The following SMG7 variants were observed in gnomAD, a reference collection of about 807,000 sequenced individuals.
SMG7 encodes the protein nonsense-mediated mRNA decay factor SMG7.
In SMG7, 34 loss-of-function variants were observed where a neutral mutation model predicts 148.2. That is an observed-to-expected ratio of 0.23 (90% CI 0.17 to 0.31). SMG7 has a LOEUF of 0.31. SMG7 is among the 10% of genes least tolerant of loss of function. SMG7 has a pLI of 1.00. For missense variants in SMG7, 1,114 were observed against 1,408.4 expected, an observed-to-expected ratio of 0.79 and a Z score of 3.35; for synonymous variants, 492 against 515.1, an observed-to-expected ratio of 0.96 and a Z score of 0.61.
At position 183,527,274 on chromosome 1, in the gene SMG7, A is replaced by C. The variant is rs866615165; in HGVS notation, c.484+507A>C. ...TTATTTATTCTTGTTCATTCCTTTAAGGTGACCTAGAAAGGTTGTAAAACA... is the reference window on the plus strand; with the variant it reads ...TTATTTATTCTTGTTCATTCCTTTACGGTGACCTAGAAAGGTTGTAAAACA... On this transcript the variant is annotated intron_variant, in intron 5 of 22. Transcript: ENST00000688051. This position sits in a 1 kb window ranked among gnomAD's most constrained non-coding sequence, Gnocchi z 4.0. 6.6e-6 allele frequency among the ~76,000 whole-genome samples: 1 copy of C among 152,180 alleles called. No homozygotes were observed. The highest frequency in any genetic ancestry group is 2.4e-5 in the African/African-American group (1 of 41,432).
At chr1:183,481,090 T>C (rs2102069724) in intron 1 of SMG7, among the ~76,000 whole-genome samples, 1 of 152,312 alleles carries the variant, frequency 6.6e-6, no homozygotes, top group Middle Eastern at 3.4e-3. Flanking sequence ...AAAGTATTTG[T>C]ATATGGCTTT....
Position 183,553,066 on chromosome 1 carries a change from C to G in SMG7, c.*1135C>G. On this transcript the variant is annotated 3_prime_UTR_variant, in exon 23 of 23. Coordinates refer to ENST00000688051, the MANE Select transcript of SMG7 (RefSeq NM_001375584.1). ...GTATCTGCGTAGCCCACAGAGGGCCCAGGCCCCTGCCCAGCTGCAGTCTCC... is the reference window on the plus strand; with the variant it reads ...GTATCTGCGTAGCCCACAGAGGGCCGAGGCCCCTGCCCAGCTGCAGTCTCC... 1 of 1,536,230 alleles carries G rather than the reference C, an allele frequency of 6.5e-7. No homozygotes were observed. The highest frequency in any genetic ancestry group is 8.7e-7 in the Non-Finnish European group (1 of 1,146,934).
chr1:183,542,188 T>G lies in SMG7; in HGVS notation c.1528T>G (p.Ser510Ala). ...AKENLILQETSVIESLAADGS... is the reference protein window; with the variant it reads ...AKENLILQETAVIESLAADGS... ...AGAGAACCTCATTCTGCAAGAAACA[T>G]CTGTGATAGAGTCGCTGGCTGCAGA... The change falls in exon 14 of 23, where the codon TCT becomes GCT. Residue 510 changes from serine (S) to alanine (A), a missense_variant. Ser to Ala is a moderately conservative substitution (Grantham distance 99, BLOSUM62 1). This residue lies in a region of SMG7 where 788 missense variants were observed against 894.5 expected (regional missense o/e 0.88). Coordinates refer to ENST00000688051, the MANE Select transcript of SMG7 (RefSeq NM_001375584.1). The G allele has an allele frequency of 6.2e-7, 1 of 1,614,124 alleles. No individual in the cohort carries two copies.
rs776523007 is a variant in SMG7, at chr1:183,553,377, GTC to G, written c.*1451_*1452del. On this transcript the variant is annotated 3_prime_UTR_variant, in exon 23 of 23. Transcript: ENST00000688051. ...AGTGGTAGGGTTTATTTTCTGGGAG[GTC>G]TCTCCTTTGTGTGTCTGTATGTTTG... is the stretch of plus-strand genomic sequence containing the variant. 60 of 702,900 alleles carry G rather than the reference GTC, an allele frequency of 8.5e-5. No individual in the cohort carries two copies. Among genetic ancestry groups the G allele is most frequent in the Admixed American group, 7.1e-4 (24 of 33,642 alleles). The allele number at this position is 702,900 out of a possible 1,614,324, so 43.5% of individuals were successfully genotyped here.
chr1:183,526,739 G>A lies in SMG7; in HGVS notation c.456G>A (p.Gln152=). 6.2e-7 allele frequency: 1 copy of A among 1,613,448 alleles called. No individual in the cohort carries two copies. The highest frequency in any genetic ancestry group is 8.5e-7 in the Non-Finnish European group (1 of 1,179,644). ...PQSSSCSYIC[Q]HCLVHLGDIA... ...CTAGCTCCTGTTCCTATATCTGCCAGCACTGCCTCGTCCACCTTGGAGACA... is the reference window on the plus strand; with the variant it reads ...CTAGCTCCTGTTCCTATATCTGCCAACACTGCCTCGTCCACCTTGGAGACA... Residue 152 remains glutamine (Q), a synonymous_variant, in exon 5 of 23, where the codon CAG becomes CAA. Transcript: ENST00000688051.
In SMG7 at chr1:183,517,948, T is replaced by C. The variant is rs539869769; in HGVS notation, c.312+128T>C. The C allele has an allele frequency of 6.3e-6, 6 of 948,236 alleles. No homozygotes were observed. The African/African-American group carries it at 9.9e-5, about 16-fold the overall frequency. The allele number at this position is 948,236 out of a possible 1,614,324, so 58.7% of individuals were successfully genotyped here. A position where few individuals can be genotyped will look rare whatever the true frequency, so the allele number is the denominator to read the frequency against. On this transcript the variant is annotated intron_variant, in intron 4 of 22. Transcript: ENST00000688051. Reference sequence around the variant, plus strand: ...GGGCCATCCAGGGATTGATCACCTATAATCTTTTCTTTTTTGGCGACAGAG... The same window carrying C: ...GGGCCATCCAGGGATTGATCACCTACAATCTTTTCTTTTTTGGCGACAGAG...
intron 14 of SMG7, 38 bp from the exon 15 acceptor site, chr1:183,544,315 C>T: frequency 6.4e-7 from 1 of 1,574,564 alleles, no homozygotes; most frequent in Non-Finnish European, 8.7e-7. Flanking sequence ...ATTTGAGTTT[C>T]AATTTATTAT....
chr1:183,544,200 A>T (rs1669477454), intron 14 of SMG7, among the ~76,000 whole-genome samples, 153 bp from the exon 15 acceptor site: 1 of 152,132 alleles, frequency 6.6e-6, no homozygotes, highest in African/African-American at 2.4e-5. Flanking sequence ...ATTTGCTTTG[A>T]TTTTCCATTT....
intron 1 of SMG7, among the ~76,000 whole-genome samples, chr1:183,479,712 TAAAA>T (rs1653602061): frequency 6.6e-6 from 1 of 152,198 alleles, no homozygotes; most frequent in South Asian, 2.1e-4. Context: ...TTTGGCAAAT[TAAAA>T]GAAAGACATT....
chr1:183,526,340 G>C (rs1337179642), intron 4 of SMG7, among the ~76,000 whole-genome samples: 2 of 151,504 alleles, frequency 1.3e-5, no homozygotes, highest in Non-Finnish European at 2.9e-5. Flanking sequence ...TTTTAGTAGA[G>C]ACGGGGTTTC....
At chr1:183,535,718 G>T (rs1667641977) in intron 10 of SMG7, among the ~76,000 whole-genome samples, 1 of 152,076 alleles carries the variant, frequency 6.6e-6, no homozygotes, top group South Asian at 2.1e-4. Context: ...TGAATACATG[G>T]AATAGTGATT....
intron 11 of SMG7, among the ~76,000 whole-genome samples, chr1:183,537,768 G>A (rs1668054315): frequency 6.6e-6 from 1 of 152,036 alleles, no homozygotes; most frequent in Non-Finnish European, 1.5e-5. Context: ...ACTTTTACTG[G>A]CTTCATAATA....
chr1:183,526,158 T>A (rs939816580), intron 4 of SMG7, among the ~76,000 whole-genome samples: 64 of 85,720 alleles, frequency 7.5e-4, no homozygotes, highest in Admixed American at 2.0e-3. Flanking sequence ...ATATATATAT[T>A]TTTTTTTTTG....
chr1:183,515,885 G>T lies in SMG7; in HGVS notation c.73G>T (p.Gly25Cys), dbSNP rs894814617. 1 of 1,608,994 alleles carries T rather than the reference G, an allele frequency of 6.2e-7. No individual in the cohort carries two copies. Among genetic ancestry groups the T allele is most frequent in the East Asian group, 2.2e-5 (1 of 44,736 alleles). The change falls in exon 3 of 23, where the codon GGT becomes TGT. Residue 25 changes from glycine (G) to cysteine (C), a missense_variant. Gly to Cys is a radical substitution (Grantham distance 159, BLOSUM62 -3). This residue lies in a region of SMG7 where 216 missense variants were observed against 329.1 expected (regional missense o/e 0.66). Coordinates refer to ENST00000688051, the MANE Select transcript of SMG7 (RefSeq NM_001375584.1). Reference sequence around the variant, plus strand: ...TTTTTGTTACTCAGATTCTAAGCTGGGTCCAGCTGAAGTCTGGACATCCAG... The same window carrying T: ...TTTTTGTTACTCAGATTCTAAGCTGTGTCCAGCTGAAGTCTGGACATCCAG... ...LKADMTDSKLGPAEVWTSRQA... is the reference protein window; with the variant it reads ...LKADMTDSKLCPAEVWTSRQA...
intron 1 of SMG7, among the ~76,000 whole-genome samples, chr1:183,493,038 A>C (rs1438065140): frequency 6.6e-6 from 1 of 152,146 alleles, no homozygotes; most frequent in African/African-American, 2.4e-5. Flanking sequence ...GTACAATCAT[A>C]ATTCACTGCG....
rs748371837 is a variant in SMG7, at chr1:183,529,462, G to A, written c.772G>A (p.Gly258Ser). Reference sequence around the variant, plus strand: ...CATCAAGGCCTTTATTAAATTCCACGGTCATGTGTACCTGAGTAAGAGCTT... The same window carrying A: ...CATCAAGGCCTTTATTAAATTCCACAGTCATGTGTACCTGAGTAAGAGCTT... ...DFIKAFIKFHGHVYLSKSLEK... is the reference protein window; with the variant it reads ...DFIKAFIKFHSHVYLSKSLEK... Residue 258 changes from glycine to serine, a missense_variant, in exon 8 of 23, where the codon GGT becomes AGT. This residue lies in a region of SMG7 where 216 missense variants were observed against 329.1 expected (regional missense o/e 0.66). Transcript: ENST00000688051. The A allele has an allele frequency of 2.7e-5, 43 of 1,612,950 alleles. No homozygotes were observed. The highest frequency in any genetic ancestry group is 1.7e-4 in the African/African-American group (13 of 74,832).
chr1:183,480,503 T>G (rs1387445192), intron 1 of SMG7, among the ~76,000 whole-genome samples: 1 of 152,158 alleles, frequency 6.6e-6, no homozygotes, highest in East Asian at 1.9e-4. Context: ...TCCCTCAAAC[T>G]CACACTTTTG....
At position 183,508,389 on chromosome 1, in the gene SMG7, T is replaced by G. The variant is rs190188508; in HGVS notation, c.30-4448T>G. Among the ~76,000 whole-genome samples, 13 of 152,152 alleles carry G rather than the reference T, an allele frequency of 8.5e-5. No homozygotes were observed. In the East Asian group the frequency reaches 2.5e-3, roughly 29 times the overall value. ...TTTATTTTTTGTAGAGATGAAGTCT[T>G]CCTCTGGTGTCCAGGCTGGTCTTGA... On this transcript the variant is annotated intron_variant, in intron 1 of 22. Transcript: ENST00000688051.
chr1:183,491,375 A>G (rs1656948721), intron 1 of SMG7, among the ~76,000 whole-genome samples: 1 of 152,114 alleles, frequency 6.6e-6, no homozygotes, highest in Admixed American at 6.5e-5. Context: ...GGTTGTTTCT[A>G]ATTTTTTGCT....
Sources: allele counts gnomAD v4.1 joint callset (sites outside exome capture counted in the v4.1 genomes callset), GRCh38; gene constraint gnomAD v4.1.1; regional missense constraint gnomAD v4.1.1; non-coding constraint Gnocchi (gnomAD v3.1); transcripts MANE v1.5; gene names NCBI Gene and HGNC (gene_info 2026-07-23, HGNC 2026-07-21).